The following PTPRZ1 variants were observed in gnomAD, a reference collection of about 807,000 sequenced individuals.
PTPRZ1 encodes the protein receptor-type tyrosine-protein phosphatase zeta.
In PTPRZ1, 82 loss-of-function variants were observed where a neutral mutation model predicts 214.1. The observed-to-expected ratio is 0.38, with a 90% CI of 0.32 to 0.46. PTPRZ1 has a LOEUF of 0.46. PTPRZ1 is among the 20% of genes least tolerant of loss of function. The pLI, the probability that PTPRZ1 is intolerant of heterozygous loss-of-function variation, is 1.00. For synonymous variants in PTPRZ1, 945 were observed against 987.9 expected (o/e 0.96, Z 0.81); for missense variants, 2,603 against 2,748.7 (o/e 0.95, Z 1.19).
chr7:122,054,118 A>G, intron 26 of PTPRZ1, 80 bp downstream of exon 26: 1 of 1,480,676 alleles, frequency 6.8e-7, no homozygotes, highest in Non-Finnish European at 9.2e-7. Flanking sequence ...CAGCATACAA[A>G]CAAGCAAAGT....
chr7:122,040,591 T>G (rs1440458610), intron 20 of PTPRZ1, among the ~76,000 whole-genome samples: 1 of 152,218 alleles, frequency 6.6e-6, no homozygotes, highest in Non-Finnish European at 1.5e-5. Flanking sequence ...TGATTAGTGT[T>G]GACCAAACAA....
intron 23 of PTPRZ1, among the ~76,000 whole-genome samples, chr7:122,049,754 C>A (rs73222700): frequency 0.062 from 9,462 of 152,052 alleles, 367 homozygotes; most frequent in East Asian, 0.15. Context: ...GAATTTATGG[C>A]AGGATTTTTC....
chr7:121,901,074 A>G (rs1794942101), intron 1 of PTPRZ1, among the ~76,000 whole-genome samples: 2 of 152,322 alleles, frequency 1.3e-5, no homozygotes, highest in South Asian at 2.1e-4. Context: ...TTAGTAGTAT[A>G]TGTCCTGATC....
At chr7:121,911,523 C>T (rs996711414) in intron 1 of PTPRZ1, among the ~76,000 whole-genome samples, 1 of 152,030 alleles carries the variant, frequency 6.6e-6, no homozygotes, top group African/African-American at 2.4e-5. Context: ...TTTAAAATAA[C>T]TTTTCATGTC....
intron 13 of PTPRZ1, among the ~76,000 whole-genome samples, chr7:122,025,608 G>A (rs1338522448): frequency 6.6e-6 from 1 of 152,198 alleles, no homozygotes; most frequent in Admixed American, 6.5e-5. Flanking sequence ...TGGGATTACA[G>A]GCATGAGCCA....
intron 8 of PTPRZ1, among the ~76,000 whole-genome samples, chr7:121,995,932 G>A (rs1421380074): frequency 6.6e-6 from 1 of 152,158 alleles, no homozygotes; most frequent in Non-Finnish European, 1.5e-5. Flanking sequence ...AAATGAATCT[G>A]TATGCCAGGT....
At chr7:121,957,005 A>G (rs574334151) in intron 2 of PTPRZ1, among the ~76,000 whole-genome samples, 2 of 152,238 alleles carry the variant, frequency 1.3e-5, no homozygotes, top group Non-Finnish European at 2.9e-5. Context: ...AAAACTTGAT[A>G]AAAATATTTC....
intron 6 of PTPRZ1, among the ~76,000 whole-genome samples, chr7:121,979,095 AT>A (rs1797526467): frequency 1.3e-5 from 2 of 151,652 alleles, no homozygotes; most frequent in African/African-American, 4.9e-5. Context: ...CTTTTCAACC[AT>A]TATTCAGATT....
intron 2 of PTPRZ1, among the ~76,000 whole-genome samples, chr7:121,964,952 A>G (rs1487828073): frequency 6.6e-6 from 1 of 152,210 alleles, no homozygotes; most frequent in Non-Finnish European, 1.5e-5. Context: ...CAGAGAGGAC[A>G]TGAGCGGGGA....
intron 8 of PTPRZ1, among the ~76,000 whole-genome samples, chr7:121,985,163 A>G (rs532966781): frequency 6.0e-4 from 92 of 152,332 alleles, no homozygotes; most frequent in African/African-American, 2.1e-3. Context: ...TATATTTACT[A>G]TGACACTAAA....
intron 6 of PTPRZ1, among the ~76,000 whole-genome samples, chr7:121,982,535 T>A (rs928266440): frequency 6.6e-6 from 1 of 152,208 alleles, no homozygotes; most frequent in Non-Finnish European, 1.5e-5. Context: ...GCCATTTTAA[T>A]ATTTATTTAA....
intron 1 of PTPRZ1, among the ~76,000 whole-genome samples, chr7:121,882,088 A>T (rs1232551210): frequency 6.6e-6 from 1 of 152,234 alleles, no homozygotes; most frequent in East Asian, 1.9e-4. Context: ...TCCATTTAAA[A>T]ATTAACAATG....
chr7:122,010,643 G>C lies in PTPRZ1; in HGVS notation c.1597G>C (p.Gly533Arg), dbSNP rs1475406034. ...VTELPPHTVE[G>R]TSASLNDGSK... is the part of the protein sequence containing the mutation. ...TGAACTGCCACCTCACACTGTGGAA[G>C]GTACTTCAGCCTCTTTAAATGATGG... The change falls in exon 12 of 30, where the codon GGT becomes CGT. Residue 533 changes from glycine (G) to arginine (R), a missense_variant. Gly to Arg is a moderately radical substitution (Grantham distance 125). Around this residue, in one of 6 missense-constraint regions of PTPRZ1, gnomAD observed 1,913 missense variants for 1,914.3 expected, o/e 1.00. Coordinates refer to ENST00000393386, the MANE Select transcript of PTPRZ1 (RefSeq NM_002851.3). 1.9e-6 allele frequency: 3 copies of C among 1,613,478 alleles called. No individual in the cohort carries two copies. Among genetic ancestry groups the C allele is most frequent in the Non-Finnish European group, 2.5e-6 (3 of 1,179,512 alleles).
In PTPRZ1 at chr7:122,044,566, C is replaced by T. The variant is rs778407801; in HGVS notation, c.6082C>T (p.Gln2028Ter). 1 of 1,613,202 alleles carries T rather than the reference C, an allele frequency of 6.2e-7. No individual in the cohort carries two copies. Among genetic ancestry groups the T allele is most frequent in the South Asian group, 1.1e-5 (1 of 91,026 alleles). Residue 2028 changes from glutamine (Q) to a stop codon, truncating the protein, a stop_gained and splice_region_variant, in exon 23 of 30, where the codon CAG becomes TAG. Coordinates refer to ENST00000393386, the MANE Select transcript of PTPRZ1 (RefSeq NM_002851.3). LOFTEE classifies it high-confidence loss of function. Reference sequence around the variant, plus strand: ...CAAAACAAAGCTAGAGAAACAATTCCAGGTGAGTCCTCTTGGAAGCCTCTT... The same window carrying T: ...CAAAACAAAGCTAGAGAAACAATTCTAGGTGAGTCCTCTTGGAAGCCTCTT... Reference protein sequence around the residue: ...AGKTKLEKQFQLLSQSNIQQS... With the variant: ...AGKTKLEKQF
At chr7:121,908,357 C>CGGTGTTCG in intron 1 of PTPRZ1, 1 of 237,220 alleles carries the variant, frequency 4.2e-6, no homozygotes, top group Non-Finnish European at 8.4e-6. Flanking sequence ...GTAGATCAAT[C>CGGTGTTCG]CCTTTGGAAA....
chr7:122,010,278 A>AT, intron 11 of PTPRZ1, 56 bp from the exon 12 acceptor site: 3 of 1,502,324 alleles, frequency 2.0e-6, no homozygotes, highest in Non-Finnish European at 2.7e-6. Context: ...AGATATGAAG[A>AT]TTTTCTTTTT....
Position 121,982,243 on chromosome 7 carries a change from C to T in PTPRZ1, c.620-1422C>T, listed in dbSNP as rs548768841. On this transcript the variant is annotated intron_variant, in intron 6 of 29. Transcript: ENST00000393386. ...TTTTCTCTTCCATTGTTCTCTTCAT[C>T]GATCTTTGCACAAATACCTCACTAT... Among the ~76,000 whole-genome samples, 81 of 152,220 alleles carry T rather than the reference C, an allele frequency of 5.3e-4. 1 individual carries two copies. The highest frequency in any genetic ancestry group is 1.7e-3 in the African/African-American group (70 of 41,556).
chr7:121,966,222 A>T lies in PTPRZ1; in HGVS notation c.125-1729A>T, dbSNP rs1034122989. On this transcript the variant is annotated intron_variant, in intron 2 of 29. Transcript: ENST00000393386. ...AGTATAAGATGCCTTTTAGGTTCCCAGTAGAGAGAATCACAAAATGCGATG... is the reference window on the plus strand; with the variant it reads ...AGTATAAGATGCCTTTTAGGTTCCCTGTAGAGAGAATCACAAAATGCGATG... Among the ~76,000 whole-genome samples, 3 of 152,222 alleles carry T rather than the reference A, an allele frequency of 2.0e-5. No homozygotes were observed. In the East Asian group the frequency reaches 5.8e-4, roughly 29 times the overall value.
intron 9 of PTPRZ1, 52 bp downstream of exon 9, chr7:121,996,618 C>T (rs911990265): frequency 2.2e-6 from 3 of 1,355,500 alleles, no homozygotes; most frequent in Non-Finnish European, 2.0e-6. Context: ...ATTTAATTTC[C>T]AAGGTAAGAA....
Sources: allele counts gnomAD v4.1 joint callset (sites outside exome capture counted in the v4.1 genomes callset), GRCh38; gene constraint gnomAD v4.1.1; regional missense constraint gnomAD v4.1.1; transcripts MANE v1.5; gene names NCBI Gene and HGNC (gene_info 2026-07-23, HGNC 2026-07-21).